The following CLVS1 variants were observed in gnomAD, a reference collection of about 807,000 sequenced individuals.
The protein encoded by CLVS1 is clavesin 1.
CLVS1 carries 10 observed loss-of-function variants against 33.1 expected under a neutral mutation model. That is an observed-to-expected ratio of 0.30 (90% CI 0.19 to 0.51). CLVS1 has a LOEUF of 0.51. Ranked by LOEUF, CLVS1 falls within the 20% of genes least tolerant of loss-of-function variation. The probability of loss-of-function intolerance (pLI) is 0.97; values close to 1 mark genes in which losing one functional copy is unlikely to be tolerated. For synonymous variants in CLVS1, 163 were observed against 166.1 expected, an observed-to-expected ratio of 0.98 and a Z score of 0.14; for missense variants, 343 against 433.4, an observed-to-expected ratio of 0.79 and a Z score of 1.85.
At chr8:61,237,627 A>G (rs1191274606) in intron 2 of CLVS1, among the ~76,000 whole-genome samples, 1 of 152,212 alleles carries the variant, frequency 6.6e-6, no homozygotes, top group African/African-American at 2.4e-5. Context: ...CAAGTTTGAC[A>G]AAAATTCTAG....
intron 1 of CLVS1, among the ~76,000 whole-genome samples, chr8:61,095,957 A>G (rs1805344320): frequency 6.6e-6 from 1 of 152,186 alleles, no homozygotes; most frequent in African/African-American, 2.4e-5. Context: ...AACAGTTTTT[A>G]TTGCATCCAT....
At chr8:61,377,820 G>A (rs1004659217) in intron 3 of CLVS1, 10 of 152,204 alleles carry the variant, frequency 6.6e-5, no homozygotes, top group Non-Finnish European at 1.0e-4. Flanking sequence ...TCCCAGAGGA[G>A]GAGAAGTAGG....
At chr8:61,484,695 A>G (rs995738188) in intron 5 of CLVS1, among the ~76,000 whole-genome samples, 29 of 152,210 alleles carry the variant, frequency 1.9e-4, no homozygotes, top group Admixed American at 9.2e-4. Flanking sequence ...TTCAAACTAT[A>G]CTACAAGGCT....
upstream of CLVS1, among the ~76,000 whole-genome samples, chr8:61,053,308 G>A (rs752815025): frequency 6.6e-6 from 1 of 152,158 alleles, no homozygotes; most frequent in African/African-American, 2.4e-5. Context: ...AGAGAGAGAC[G>A]TCAAAGGCTG....
At chr8:61,385,926 G>A (rs1057510911) in intron 3 of CLVS1, among the ~76,000 whole-genome samples, 1 of 152,200 alleles carries the variant, frequency 6.6e-6, no homozygotes, top group Non-Finnish European at 1.5e-5. Context: ...GCAATGACAA[G>A]CATTTCCAAT....
Position 61,431,782 on chromosome 8 carries a change from C to T in CLVS1, c.631-22359C>T, listed in dbSNP as rs147869824. ...AGTCTACCTGGCTAGAGCAGGCACT[C>T]GATATATAGGTTACATAAAGCAATG... is the stretch of plus-strand genomic sequence containing the variant. On this transcript the variant is annotated intron_variant, in intron 3 of 5. Transcript: ENST00000325897. 1.4e-3 allele frequency among the ~76,000 whole-genome samples: 212 copies of T among 152,188 alleles called. 2 individuals carry two copies. The highest frequency in any genetic ancestry group is 0.011 in the East Asian group (56 of 5,178).
chr8:61,292,710 T>G (rs989169679), intron 1 of CLVS1, among the ~76,000 whole-genome samples: 3 of 152,212 alleles, frequency 2.0e-5, no homozygotes, highest in Non-Finnish European at 1.5e-5. Flanking sequence ...ATTCTATGAC[T>G]CAACAATTAT....
chr8:61,469,270 C>T lies in CLVS1; in HGVS notation c.977+10728C>T, dbSNP rs117409183. Among the ~76,000 whole-genome samples the T allele has an allele frequency of 5.9e-3, 901 of 152,328 alleles. 4 individuals are homozygous for T. Among genetic ancestry groups the T allele is most frequent in the South Asian group, 0.031 (151 of 4,830 alleles). ...CATAACATTTTAGTTATTAATTCTG[C>T]GCTGACTTCCTAAATTGGCATGACA... On this transcript the variant is annotated intron_variant, in intron 5 of 5. Coordinates refer to ENST00000325897, the MANE Select transcript of CLVS1 (RefSeq NM_173519.3).
At chr8:61,059,626 G>A (rs1235766304) in intron 1 of CLVS1, among the ~76,000 whole-genome samples, 2 of 150,922 alleles carry the variant, frequency 1.3e-5, no homozygotes, top group Admixed American at 1.3e-4. Context: ...GCCTGCCAAT[G>A]TGGTGAAACC....
At chr8:61,050,546 TGGTCCCTC>T in the CLVS1 span, among the ~76,000 whole-genome samples, 2 of 152,246 alleles carry the variant, frequency 1.3e-5, no homozygotes, top group Non-Finnish European at 2.9e-5. Context: ...CTCTTGTCTC[TGGTCCCTC>T]GGCCACCAGC....
In CLVS1 at chr8:61,288,274, A is replaced by C. The variant is rs1455812648; in HGVS notation, c.-152+136A>C. The C allele has an allele frequency of 2.6e-5, 12 of 456,012 alleles. No individual in the cohort carries two copies. In the East Asian group the frequency reaches 6.9e-4, roughly 26 times the overall value. The allele number at this position is 456,012 out of a possible 1,614,324, so 28.2% of individuals were successfully genotyped here. The stretch of plus-strand genomic sequence containing the variant: ...CCCATCTGCAATCCCTCTGCACTCC[A>C]TCCCTCCCGCACCGCACCCCGCTCC... On this transcript the variant is annotated intron_variant, in intron 1 of 5. Coordinates refer to ENST00000325897, the MANE Select transcript of CLVS1 (RefSeq NM_173519.3).
At position 61,245,399 on chromosome 8, in the gene CLVS1, A is replaced by T. The variant is rs1808785078; in HGVS notation, c.-151-54278A>T. ...ATGGGGTTTCACCATGTTGGCCAGGATGGCCTCAATCTCCTGAACTTGTGA... is the reference window on the plus strand; with the variant it reads ...ATGGGGTTTCACCATGTTGGCCAGGTTGGCCTCAATCTCCTGAACTTGTGA... On this transcript the variant is annotated intron_variant, in intron 2 of 2. Transcript: ENST00000522621. Among the ~76,000 whole-genome samples, 5 of 151,922 alleles carry T rather than the reference A, an allele frequency of 3.3e-5. No homozygotes were observed. The South Asian group carries it at 1.0e-3, about 32-fold the overall frequency.
intron 2 of CLVS1, among the ~76,000 whole-genome samples, chr8:61,214,454 G>C (rs1331491842): frequency 6.6e-6 from 1 of 152,084 alleles, no homozygotes; most frequent in Non-Finnish European, 1.5e-5. Context: ...GACGCTTAAG[G>C]AAAATAGAAA....
chr8:61,141,873 C>CT (rs1806314267), intron 2 of CLVS1, among the ~76,000 whole-genome samples: 1 of 152,186 alleles, frequency 6.6e-6, no homozygotes, highest in Non-Finnish European at 1.5e-5. Flanking sequence ...CTTAGAGAGT[C>CT]TGTTTTTATT....
intron 3 of CLVS1, among the ~76,000 whole-genome samples, chr8:61,429,419 T>TAAAAA (rs57688988): frequency 1.4e-5 from 1 of 73,232 alleles, no homozygotes; most frequent in African/African-American, 6.1e-5. Context: ...GACTCTGTCT[T>TAAAAA]AAAAAAAAAA....
intron 2 of CLVS1, among the ~76,000 whole-genome samples, chr8:61,269,626 A>G (rs913960154): frequency 1.3e-4 from 19 of 150,670 alleles, no homozygotes; most frequent in African/African-American, 4.6e-4. Flanking sequence ...CATTTTCACG[A>G]TATTGATTCT....
the CLVS1 span, among the ~76,000 whole-genome samples, chr8:61,034,924 C>A: frequency 1.4e-3 from 220 of 152,298 alleles, 1 homozygote; most frequent in Non-Finnish European, 2.5e-3. Flanking sequence ...TAGATACAGT[C>A]TCCTTTCTCA....
At chr8:61,246,908 T>A (rs1354055202) in intron 2 of CLVS1, among the ~76,000 whole-genome samples, 1 of 152,096 alleles carries the variant, frequency 6.6e-6, no homozygotes, top group African/African-American at 2.4e-5. Context: ...ATCACCCAGG[T>A]ATTAATCTCA....
intron 2 of CLVS1, among the ~76,000 whole-genome samples, chr8:61,375,005 T>C (rs1585880267): frequency 6.6e-6 from 1 of 152,224 alleles, no homozygotes; most frequent in Non-Finnish European, 1.5e-5. Context: ...CTCCCCCTTT[T>C]CCCAATTATC....
Sources: allele counts gnomAD v4.1 joint callset (sites outside exome capture counted in the v4.1 genomes callset), GRCh38; gene constraint gnomAD v4.1.1; transcripts MANE v1.5; gene names NCBI Gene and HGNC (gene_info 2026-07-23, HGNC 2026-07-21).